Variants in MCTP1 observed in about 807,000 individuals in gnomAD.
MCTP1 encodes the protein multiple C2 and transmembrane domain-containing protein 1.
Under a neutral mutation model 120.6 loss-of-function variants are expected in MCTP1, and 69 were observed. That is an observed-to-expected ratio of 0.57 (90% CI 0.47 to 0.70). MCTP1 has a LOEUF of 0.70. Among genes scored for constraint, MCTP1 ranks in the 30% least tolerant of loss-of-function variants. The pLI is 0.00. For missense variants in MCTP1, 1,203 were observed against 1,248.8 expected, an observed-to-expected ratio of 0.96 and a Z score of 0.55; for synonymous variants, 529 against 493.1, an observed-to-expected ratio of 1.07 and a Z score of -0.96.
At chr5:95,174,942 A>G (rs1368263012) in intron 1 of MCTP1, among the ~76,000 whole-genome samples, 3 of 151,320 alleles carry the variant, frequency 2.0e-5, no homozygotes, top group East Asian at 3.9e-4. Context: ...TTTTTTTTCC[A>G]TTTGTCTCCC....
At chr5:94,776,319 A>C (rs192459314) in intron 19 of MCTP1, among the ~76,000 whole-genome samples, 1 of 152,268 alleles carries the variant, frequency 6.6e-6, no homozygotes, top group Admixed American at 6.5e-5. Context: ...AAAGAAAGAC[A>C]CTTTTCATAA....
In MCTP1 at chr5:95,284,354, T is replaced by C; in HGVS notation, c.222A>G (p.Ala74=). The change falls in exon 1 of 23, where the codon GCA becomes GCG. Residue 74 remains alanine, a synonymous_variant. Transcript: ENST00000515393. The surrounding 1 kb of genome is among the most constrained non-coding windows in gnomAD (Gnocchi z 5.2). ...TCTTGAAGCCGCTCCACCTGCTGCC[T>C]GCACCACTCCCCCTGGCCGGTGCAT... ...TGNAPARGSG[A]GSRWSGFKKR... 6.3e-7 allele frequency: 1 copy of C among 1,596,720 alleles called. No homozygotes were observed. Among genetic ancestry groups the C allele is most frequent in the Non-Finnish European group, 8.5e-7 (1 of 1,179,222 alleles).
Position 94,827,102 on chromosome 5 carries a change from G to A in MCTP1, c.2437-27970C>T, listed in dbSNP as rs547051485. On this transcript the variant is annotated intron_variant, in intron 17 of 22. Transcript: ENST00000515393. ...ATTTTGGTTTGTTTTTGCAGTGGCCGGTTCTGGTTTTTCCTTTCCATATTT... is the reference window on the plus strand; with the variant it reads ...ATTTTGGTTTGTTTTTGCAGTGGCCAGTTCTGGTTTTTCCTTTCCATATTT... 1.3e-3 allele frequency among the ~76,000 whole-genome samples: 197 copies of A among 152,154 alleles called. 1 individual carries two copies. Among genetic ancestry groups the A allele is most frequent in the African/African-American group, 4.6e-3 (190 of 41,508 alleles).
chr5:94,917,660 G>A (rs1810425693), intron 8 of MCTP1, among the ~76,000 whole-genome samples: 2 of 152,294 alleles, frequency 1.3e-5, no homozygotes, highest in South Asian at 4.1e-4. Flanking sequence ...TTCAAAGTCT[G>A]AAGCAATTAG....
intron 1 of MCTP1, among the ~76,000 whole-genome samples, chr5:95,154,942 A>C (rs1218238573): frequency 6.6e-6 from 1 of 152,206 alleles, no homozygotes; most frequent in East Asian, 1.9e-4. Context: ...TTAAGGAGTA[A>C]ATATGATGAA....
intron 19 of MCTP1, among the ~76,000 whole-genome samples, chr5:94,737,028 C>A (rs551185360): frequency 6.6e-4 from 101 of 152,238 alleles, no homozygotes; most frequent in Non-Finnish European, 1.2e-3. Context: ...GCTCTTTTAA[C>A]TCAGGCTGCA....
intron 1 of MCTP1, among the ~76,000 whole-genome samples, chr5:95,165,225 T>A (rs1402769948): frequency 6.6e-6 from 1 of 152,184 alleles, no homozygotes; most frequent in African/African-American, 2.4e-5. Flanking sequence ...ATAAATACGA[T>A]AAGCATCTGA....
At chr5:94,980,184 T>C (rs1300764150) in intron 2 of MCTP1, among the ~76,000 whole-genome samples, 1 of 152,168 alleles carries the variant, frequency 6.6e-6, no homozygotes, top group South Asian at 2.1e-4. Context: ...GATAAATCAT[T>C]TATAATCTTT....
intron 1 of MCTP1, among the ~76,000 whole-genome samples, chr5:95,056,227 C>T (rs1364353591): frequency 6.6e-6 from 1 of 152,164 alleles, no homozygotes; most frequent in Non-Finnish European, 1.5e-5. Context: ...CTTAATACAT[C>T]CACTTGAAGA....
At chr5:95,077,776 C>A (rs769308704) in intron 1 of MCTP1, among the ~76,000 whole-genome samples, 2 of 151,924 alleles carry the variant, frequency 1.3e-5, no homozygotes, top group Non-Finnish European at 2.9e-5. Context: ...CTGGCCAGTT[C>A]GTTATATATA....
chr5:95,143,196 T>C (rs2152443477), intron 1 of MCTP1, among the ~76,000 whole-genome samples: 1 of 152,236 alleles, frequency 6.6e-6, no homozygotes, highest in East Asian at 1.9e-4. Context: ...GGCATGCAGC[T>C]CAGTTTATCT....
intron 1 of MCTP1, among the ~76,000 whole-genome samples, chr5:95,122,298 T>C (rs773841971): frequency 1.3e-5 from 2 of 152,054 alleles, no homozygotes; most frequent in Admixed American, 6.5e-5. Flanking sequence ...AACGACTCTA[T>C]AGGAAAAGAA....
At chr5:94,761,859 G>T (rs755565737) in intron 19 of MCTP1, among the ~76,000 whole-genome samples, 22 of 152,202 alleles carry the variant, frequency 1.4e-4, no homozygotes, top group African/African-American at 5.3e-4. Flanking sequence ...CCAAGGCTAG[G>T]TCATCAGAAG....
chr5:94,998,076 G>A (rs571877931), intron 2 of MCTP1, among the ~76,000 whole-genome samples: 23 of 152,228 alleles, frequency 1.5e-4, no homozygotes, highest in African/African-American at 5.3e-4. Context: ...GCATAGATGA[G>A]AAAGGTTTTG....
At chr5:94,844,933 C>G (rs979302758) in intron 17 of MCTP1, among the ~76,000 whole-genome samples, 1 of 152,104 alleles carries the variant, frequency 6.6e-6, no homozygotes, top group Non-Finnish European at 1.5e-5. Flanking sequence ...TTTGACTTCA[C>G]ATTAGAATAA....
intron 17 of MCTP1, among the ~76,000 whole-genome samples, chr5:94,837,750 G>A (rs542167557): frequency 6.6e-6 from 1 of 152,168 alleles, no homozygotes; most frequent in African/African-American, 2.4e-5. Context: ...GTGGAGATGA[G>A]AGACGGGGGC....
intron 2 of MCTP1, among the ~76,000 whole-genome samples, chr5:94,969,453 G>A (rs941612506): frequency 5.9e-5 from 9 of 152,088 alleles, no homozygotes; most frequent in Admixed American, 1.3e-4. Flanking sequence ...TGGTTAACAA[G>A]TTTAAATCAG....
At chr5:94,763,284 C>T (rs1347618060) in intron 19 of MCTP1, among the ~76,000 whole-genome samples, 1 of 152,082 alleles carries the variant, frequency 6.6e-6, no homozygotes, top group African/African-American at 2.4e-5. Context: ...TCTATGATTC[C>T]TCATTACTTG....
At chr5:95,266,428 C>G (rs961471374) in intron 1 of MCTP1, among the ~76,000 whole-genome samples, 5 of 152,160 alleles carry the variant, frequency 3.3e-5, no homozygotes, top group Non-Finnish European at 7.3e-5. Context: ...AATACCACAA[C>G]CTTTGTTAGT....
Sources: gnomAD v4.1 joint callset for allele counts (sites outside exome capture counted in the v4.1 genomes callset) on GRCh38, gnomAD v4.1.1 for gene constraint, Gnocchi (gnomAD v3.1) non-coding constraint, MANE v1.5 for transcripts, NCBI Gene and HGNC (gene_info 2026-07-23, HGNC 2026-07-21) for gene names.